The following SPEF1 variants were observed in gnomAD, a reference collection of about 807,000 sequenced individuals.
The protein encoded by SPEF1 is sperm flagella and cilia-associated protein 1.
Under a neutral mutation model 31.8 loss-of-function variants are expected in SPEF1, and 30 were observed. The observed-to-expected ratio is 0.94, with a 90% CI of 0.70 to 1.28. The LOEUF is 1.28. Among genes scored for constraint, SPEF1 ranks in the 50% most tolerant of loss-of-function variants. The probability of loss-of-function intolerance (pLI) is 0.00; values close to 1 mark genes in which losing one functional copy is unlikely to be tolerated. For synonymous variants in SPEF1, 126 were observed against 130.1 expected (o/e 0.97, Z 0.21); for missense variants, 298 against 309.6 (o/e 0.96, Z 0.28).
At position 3,778,942 on chromosome 20, in the gene SPEF1, C is replaced by T; in HGVS notation, c.418+9G>A. 1 of 1,614,150 alleles carries T rather than the reference C, an allele frequency of 6.2e-7. No homozygotes were observed. Among genetic ancestry groups the T allele is most frequent in the Non-Finnish European group, 8.5e-7 (1 of 1,179,996 alleles). ...AACCGGGAGGGAGAAATGGAAAAGG[C>T]CACCTTACCCACATCCATGTAGCCA... On this transcript the variant is annotated intron_variant, in intron 4 of 6. Transcript: ENST00000379756.
chr20:3,780,446 A>G (rs2088773322), intron 1 of SPEF1, among the ~76,000 whole-genome samples: 1 of 151,010 alleles, frequency 6.6e-6, no homozygotes, highest in African/African-American at 2.4e-5. Context: ...ACACACACAC[A>G]CACACTCCAA....
In SPEF1 at chr20:3,778,064, C is replaced by T; in HGVS notation, c.*148G>A. 1 of 618,600 alleles carries T rather than the reference C, an allele frequency of 1.6e-6. No homozygotes were observed. The highest frequency in any genetic ancestry group is 2.9e-5 in the East Asian group (1 of 34,488). The allele number at this position is 618,600 out of a possible 1,614,324, so 38.3% of individuals were successfully genotyped here. On this transcript the variant is annotated 3_prime_UTR_variant, in exon 7 of 7. Transcript: ENST00000379756. The stretch of plus-strand genomic sequence containing the variant: ...CCATCTCCTCCCACGCTCACCCATC[C>T]CAAGGAAGGAGGGCACTCGGGCCCC...
Position 3,779,190 on chromosome 20 carries a change from T to A in SPEF1, c.378+6A>T. ...AGCAGTGGGAGAAGCTGGAGCGGGGTGGCACCTGTAAGGAGCCGGCGCCCT... is the reference window on the plus strand; with the variant it reads ...AGCAGTGGGAGAAGCTGGAGCGGGGAGGCACCTGTAAGGAGCCGGCGCCCT... On this transcript the variant is annotated splice_donor_region_variant and intron_variant, in intron 3 of 6. Coordinates refer to ENST00000379756, the MANE Select transcript of SPEF1 (RefSeq NM_015417.5). 1.3e-6 allele frequency: 2 copies of A among 1,564,448 alleles called. No homozygotes were observed. Among genetic ancestry groups the A allele is most frequent in the Non-Finnish European group, 1.7e-6 (2 of 1,151,856 alleles).
In SPEF1 at chr20:3,778,219, T is replaced by G. The variant is rs765730152; in HGVS notation, c.704A>C (p.Gln235Pro). 1 of 1,587,886 alleles carries G rather than the reference T, an allele frequency of 6.3e-7. No homozygotes were observed. The highest frequency in any genetic ancestry group is 8.6e-7 in the Non-Finnish European group (1 of 1,167,436). ...SRRLQQAERK[Q>P]R ...CGCGGCCCGGGCCGCCGCTCACCGC[T>G]GCTTACGCTCCGCCTGCTGGAGCCG... Residue 235 changes from glutamine to proline, a missense_variant, in exon 7 of 7, where the codon CAG becomes CCG. Physicochemically the swap from Gln to Pro is moderately conservative, Grantham distance 76. Transcript: ENST00000379756.
chr20:3,778,051 A>G lies in SPEF1; in HGVS notation c.*161T>C. 1.7e-6 allele frequency: 1 copy of G among 592,844 alleles called. No homozygotes were observed. The allele number at this position is 592,844 out of a possible 1,614,324, so 36.7% of individuals were successfully genotyped here. A position where few individuals can be genotyped will look rare whatever the true frequency, so the allele number is the denominator to read the frequency against. ...TAGAGTTCCTGTCCCATCTCCTCCC[A>G]CGCTCACCCATCCCAAGGAAGGAGG... On this transcript the variant is annotated 3_prime_UTR_variant, in exon 7 of 7. Transcript: ENST00000379756.
At chr20:3,778,832 A>C in intron 4 of SPEF1, 26 bp from the exon 5 acceptor site, 1 of 1,613,386 alleles carries the variant, frequency 6.2e-7, no homozygotes, top group Non-Finnish European at 8.5e-7. Context: ...TGGAGGAATG[A>C]CTGTGCTGGA....
Position 3,779,349 on chromosome 20 carries a change from C to G in SPEF1, c.225G>C (p.Lys75Asn), listed in dbSNP as rs2088766418. The G allele has an allele frequency of 6.3e-7, 1 of 1,591,150 alleles. No homozygotes were observed. Among genetic ancestry groups the G allele is most frequent in the African/African-American group, 1.3e-5 (1 of 74,534 alleles). Residue 75 changes from lysine to asparagine, a missense_variant, in exon 3 of 7, where the codon AAG becomes AAC. Lys to Asn is a moderately conservative substitution (Grantham distance 94, BLOSUM62 0). Coordinates refer to ENST00000379756, the MANE Select transcript of SPEF1 (RefSeq NM_015417.5). ...KLSNWGHLNR[K>N]VLKRLNFSVP... ...CTGAAAAGTTCAGCCTCTTCAGTAC[C>G]TTCCTGAGGGGTAGACATTGGGATA...
intron 3 of SPEF1, 84 bp from the exon 4 acceptor site, chr20:3,779,074 C>G: frequency 6.2e-7 from 1 of 1,603,716 alleles, no homozygotes; most frequent in East Asian, 2.3e-5. Context: ...GCCCCCAGGC[C>G]AGGCTCTATT....
In SPEF1 at chr20:3,779,654, A is replaced by G. The variant is rs775454500; in HGVS notation, c.221+10T>C. The G allele has an allele frequency of 6.3e-7, 1 of 1,588,724 alleles. No homozygotes were observed. Among genetic ancestry groups the G allele is most frequent in the South Asian group, 1.1e-5 (1 of 90,558 alleles). On this transcript the variant is annotated intron_variant, in intron 2 of 6. Coordinates refer to ENST00000379756, the MANE Select transcript of SPEF1 (RefSeq NM_015417.5). ...TAGGAGATGATGGGGCTGCACAGGTATTCTGCTACCTGTTCAGATGACCCC... is the reference window on the plus strand; with the variant it reads ...TAGGAGATGATGGGGCTGCACAGGTGTTCTGCTACCTGTTCAGATGACCCC...
In SPEF1 at chr20:3,780,334, CAAAAAAAAAAAA is replaced by C. The variant is rs58819644; in HGVS notation, c.110-571_110-560del. ...GGGCGACAAGAGTGAGACTCTGTCT[CAAAAAAAAAAAA>C]AAAAAAAAAAGAGAATGAGTCTCCA... On this transcript the variant is annotated intron_variant, in intron 1 of 6. Coordinates refer to ENST00000379756, the MANE Select transcript of SPEF1 (RefSeq NM_015417.5). Among the ~76,000 whole-genome samples, 134 of 58,320 alleles carry C rather than the reference CAAAAAAAAAAAA, an allele frequency of 2.3e-3. 1 individual carries two copies. Among genetic ancestry groups the C allele is most frequent in the African/African-American group, 9.5e-3 (124 of 13,088 alleles). The allele number at this position is 58,320 out of a possible 152,430, so 38.3% of individuals were successfully genotyped here.
intron 1 of SPEF1, 32 bp from the exon 2 acceptor site, chr20:3,779,807 G>T: frequency 7.8e-7 from 1 of 1,285,088 alleles, no homozygotes; most frequent in East Asian, 2.4e-5. Flanking sequence ...ATGGAAAGTG[G>T]GGGCATGGGT....
In SPEF1 at chr20:3,779,485, G is replaced by A. The variant is rs1322136352; in HGVS notation, c.222-133C>T. ...GGGGGAGTGAAAGCGCATCGCATCTGAGCTTCCTTGTGTGGGTGTTCCGAG... is the reference window on the plus strand; with the variant it reads ...GGGGGAGTGAAAGCGCATCGCATCTAAGCTTCCTTGTGTGGGTGTTCCGAG... On this transcript the variant is annotated intron_variant, in intron 2 of 6. Transcript: ENST00000379756. The A allele has an allele frequency of 7.7e-6, 7 of 914,304 alleles. No individual in the cohort carries two copies. The East Asian group carries it at 1.3e-4, about 17-fold the overall frequency. The allele number at this position is 914,304 out of a possible 1,614,324, so 56.6% of individuals were successfully genotyped here.
intron 1 of SPEF1, among the ~76,000 whole-genome samples, chr20:3,780,258 C>T (rs2088771538): frequency 7.0e-6 from 1 of 143,008 alleles, no homozygotes; most frequent in African/African-American, 2.6e-5. Context: ...CGCTTGAACT[C>T]AGGAGGTGGA....
Position 3,777,776 on chromosome 20 carries a change from A to C in SPEF1, c.*436T>G. 1 of 157,468 alleles carries C rather than the reference A, an allele frequency of 6.4e-6. No individual in the cohort carries two copies. Among genetic ancestry groups the C allele is most frequent in the Non-Finnish European group, 1.4e-5 (1 of 71,302 alleles). The allele number at this position is 157,468 out of a possible 1,614,324, so 9.8% of individuals were successfully genotyped here. A position where few individuals can be genotyped will look rare whatever the true frequency, so the allele number is the denominator to read the frequency against. On this transcript the variant is annotated 3_prime_UTR_variant, in exon 7 of 7. Transcript: ENST00000379756. This position sits in a 1 kb window ranked among gnomAD's most constrained non-coding sequence, Gnocchi z 4.1. Reference sequence around the variant, plus strand: ...CCCATGGCTGAGGGCATGGGGAACTAGCCTGGATGGAGACGCCGCCGTCCT... The same window carrying C: ...CCCATGGCTGAGGGCATGGGGAACTCGCCTGGATGGAGACGCCGCCGTCCT...
chr20:3,778,264 C>A lies in SPEF1; in HGVS notation c.659G>T (p.Arg220Leu), dbSNP rs769641144. 6 of 1,611,572 alleles carry A rather than the reference C, an allele frequency of 3.7e-6. No homozygotes were observed. Among genetic ancestry groups the A allele is most frequent in the Non-Finnish European group, 5.1e-6 (6 of 1,178,696 alleles). ...LEHLLQLKNV[R>L]IEDLSRRLQQ... is the part of the protein sequence containing the mutation. ...GAGCCGCCGGGAGAGGTCTTCGATC[C>A]GCACATTCTTGAGCTGGAGCAGGTG... The change falls in exon 7 of 7, where the codon CGG becomes CTG. Residue 220 changes from arginine to leucine, a missense_variant. By Grantham distance (102) the Arg-to-Leu change is moderately radical. Coordinates refer to ENST00000379756, the MANE Select transcript of SPEF1 (RefSeq NM_015417.5).
chr20:3,778,883 C>T, intron 4 of SPEF1, 68 bp downstream of exon 4: 2 of 1,611,454 alleles, frequency 1.2e-6, no homozygotes, highest in Non-Finnish European at 1.7e-6. Flanking sequence ...TCCACTCTCA[C>T]AAGTGACAGG....
chr20:3,779,008 G>A lies in SPEF1; in HGVS notation c.379-18C>T. On this transcript the variant is annotated intron_variant, in intron 3 of 6. Transcript: ENST00000379756. ...GCCAGCTCCTGAAAGAACCCCGGGG[G>A]TCCGCTGTAAGCCCGGGCTCAGTCA... is the stretch of plus-strand genomic sequence containing the variant. The A allele has an allele frequency of 1.9e-6, 3 of 1,614,112 alleles. No individual in the cohort carries two copies. Among genetic ancestry groups the A allele is most frequent in the South Asian group, 2.2e-5 (2 of 91,090 alleles).
intron 3 of SPEF1, 32 bp from the exon 4 acceptor site, chr20:3,779,022 C>T (rs771501735): frequency 6.2e-6 from 10 of 1,613,836 alleles, no homozygotes; most frequent in South Asian, 1.1e-5. Context: ...GCTGTAAGCC[C>T]GGGCTCAGTC....
intron 5 of SPEF1, 36 bp downstream of exon 5, chr20:3,778,710 C>A: frequency 1.9e-6 from 3 of 1,609,240 alleles, no homozygotes; most frequent in Non-Finnish European, 2.6e-6. Flanking sequence ...CAGAGATCAC[C>A]AGCCTGGTGA....
Sources: gnomAD v4.1 joint callset for allele counts (sites outside exome capture counted in the v4.1 genomes callset) on GRCh38, gnomAD v4.1.1 for gene constraint, Gnocchi (gnomAD v3.1) non-coding constraint, MANE v1.5 for transcripts, NCBI Gene and HGNC (gene_info 2026-07-23, HGNC 2026-07-21) for gene names.